Variants in DMD observed in about 807,000 individuals in gnomAD.
The protein encoded by DMD is mutant dystrophin.
DMD carries 63 observed loss-of-function variants against 330.1 expected under a neutral mutation model. The ratio of observed to expected loss-of-function variants is 0.19; its 90% CI spans 0.16 to 0.24. The LOEUF (loss-of-function observed/expected upper bound fraction) is 0.24, where lower values mean the gene tolerates loss of function less well. DMD is among the 10% of genes least tolerant of loss of function. DMD has a pLI of 1.00. For missense variants in DMD, 3,344 were observed against 2,684.1 expected (o/e 1.25, Z -5.43); for synonymous variants, 1,223 against 959.8 (o/e 1.27, Z -5.07).
intron 30 of DMD, among the ~76,000 whole-genome samples, chrX:32,398,888 G>A (rs1028438541): frequency 9.0e-5 from 10 of 111,057 alleles, no homozygotes; most frequent in African/African-American, 2.9e-4. Context: ...TGGCTTAAGC[G>A]CAAACACACA....
chrX:33,049,604 C>G (rs1333038275), intron 1 of DMD, among the ~76,000 whole-genome samples: 1 of 110,085 alleles, frequency 9.1e-6, no homozygotes, highest in African/African-American at 3.3e-5. Context: ...TTTTTTTTTG[C>G]TCTAAATACT....
chrX:31,394,597 C>T (rs1008358879), intron 60 of DMD, among the ~76,000 whole-genome samples: 1 of 110,712 alleles, frequency 9.0e-6, no homozygotes, highest in Admixed American at 9.7e-5. Context: ...AGTTTCGGAA[C>T]AGCCTGGCCA....
At chrX:32,614,483 C>T (rs778827446) in intron 11 of DMD, 30 bp from the exon 12 acceptor site, 1 of 1,152,881 alleles carries the variant, frequency 8.7e-7, no homozygotes, top group Admixed American at 2.2e-5. Context: ...CTATTATGAC[C>T]TCTTTGAAAG....
At chrX:32,517,375 A>T (rs1183245238) in intron 18 of DMD, 4 of 112,288 alleles carry the variant, frequency 3.6e-5, no homozygotes, top group African/African-American at 1.3e-4. Flanking sequence ...GAAACACTTT[A>T]TATTAAATTA....
At chrX:32,622,486 T>G (rs2058062044) in intron 11 of DMD, among the ~76,000 whole-genome samples, 1 of 111,936 alleles carries the variant, frequency 8.9e-6, no homozygotes, top group Non-Finnish European at 1.9e-5. Flanking sequence ...TGCCAGTAGT[T>G]AAAATTTGAG....
At chrX:32,130,983 G>A (rs1027125892) in intron 44 of DMD, among the ~76,000 whole-genome samples, 5 of 111,676 alleles carry the variant, frequency 4.5e-5, no homozygotes, top group African/African-American at 1.6e-4. Context: ...TCAGGAGCTC[G>A]AGAACAGCCT....
intron 62 of DMD, among the ~76,000 whole-genome samples, chrX:31,279,180 T>A (rs945059676): frequency 8.9e-5 from 10 of 112,209 alleles, no homozygotes; most frequent in Non-Finnish European, 1.5e-4. Context: ...CTTATATTTT[T>A]AAAAGCACTA....
chrX:31,515,090 G>A (rs6631323), intron 55 of DMD, among the ~76,000 whole-genome samples: 11,793 of 110,858 alleles, frequency 0.11, 645 homozygotes, highest in Admixed American at 0.2. Flanking sequence ...GATCCATGGT[G>A]TTCATAAGTA....
intron 7 of DMD, among the ~76,000 whole-genome samples, chrX:32,731,912 G>C (rs1259114631): frequency 8.9e-6 from 1 of 112,360 alleles, no homozygotes; most frequent in Non-Finnish European, 1.9e-5. Context: ...GCTGGAGAGA[G>C]GATGACTTTG....
At chrX:32,263,555 T>C (rs1453485595) in intron 43 of DMD, among the ~76,000 whole-genome samples, 1 of 112,421 alleles carries the variant, frequency 8.9e-6, no homozygotes, top group African/African-American at 3.2e-5. Context: ...GAATTAACTA[T>C]ATGCTAACTG....
At chrX:32,390,204 A>G in intron 30 of DMD, 23 bp from the exon 31 acceptor site, 1 of 1,079,048 alleles carries the variant, frequency 9.3e-7, no homozygotes. Context: ...TAGCATTATT[A>G]GTCAGCATGC....
intron 9 of DMD, among the ~76,000 whole-genome samples, chrX:32,687,972 C>T (rs1420624412): frequency 9.0e-6 from 1 of 111,096 alleles, no homozygotes; most frequent in Non-Finnish European, 1.9e-5. Flanking sequence ...AATAATAAAA[C>T]ATAAAAATAA....
intron 2 of DMD, among the ~76,000 whole-genome samples, chrX:32,972,182 T>C (rs766013199): frequency 1.2e-4 from 13 of 111,044 alleles, no homozygotes; most frequent in African/African-American, 4.2e-4. Flanking sequence ...CTTATAATTT[T>C]TTTGGTTTTT....
intron 7 of DMD, among the ~76,000 whole-genome samples, chrX:32,782,463 T>TTAAACTATG (rs749682256): frequency 1.2e-4 from 13 of 111,712 alleles, no homozygotes; most frequent in African/African-American, 4.2e-4. Context: ...TGCTAAGGCC[T>TTAAACTATG]TAAACTATGT....
At chrX:33,272,678 A>G (rs1442431921) in intron 1 of DMD, among the ~76,000 whole-genome samples, 1 of 103,435 alleles carries the variant, frequency 9.7e-6, no homozygotes, top group Non-Finnish European at 1.9e-5. Context: ...AAAAAAAAAA[A>G]CACACACACA....
chrX:33,044,151 C>T (rs2094345168), intron 1 of DMD, among the ~76,000 whole-genome samples: 2 of 111,585 alleles, frequency 1.8e-5, no homozygotes, highest in Non-Finnish European at 3.8e-5. Context: ...AAAGAGAGAG[C>T]CCAGGCGCAG....
At chrX:32,465,582 GTTTT>G (rs1191063866) in intron 23 of DMD, among the ~76,000 whole-genome samples, 3 of 76,646 alleles carry the variant, frequency 3.9e-5, no homozygotes, top group East Asian at 4.1e-4. Flanking sequence ...TTTGTTTTTT[GTTTT>G]TTTTTTTTTT....
At chrX:32,499,106 T>C (rs1460659937) in intron 19 of DMD, among the ~76,000 whole-genome samples, 1 of 112,026 alleles carries the variant, frequency 8.9e-6, no homozygotes, top group Non-Finnish European at 1.9e-5. Flanking sequence ...ATTTAAGTTA[T>C]GAGAAATTAT....
chrX:32,369,669 C>T (rs924709701), intron 34 of DMD, among the ~76,000 whole-genome samples: 2 of 111,202 alleles, frequency 1.8e-5, no homozygotes, highest in Non-Finnish European at 3.8e-5. Context: ...CACAAGTTTT[C>T]CAGTACCTTC....
Sources: gnomAD v4.1 joint callset for allele counts (sites outside exome capture counted in the v4.1 genomes callset) on GRCh38, gnomAD v4.1.1 for gene constraint, MANE v1.5 for transcripts, NCBI Gene and HGNC (gene_info 2026-07-23, HGNC 2026-07-21) for gene names.